Variants in PTMA observed in about 807,000 individuals in gnomAD.
The protein encoded by PTMA is prothymosin alpha.
PTMA carries 4 observed loss-of-function variants against 16.9 expected under a neutral mutation model. The observed-to-expected ratio is 0.24, with a 90% CI of 0.12 to 0.54. The LOEUF is 0.54. Among genes scored for constraint, PTMA ranks in the 20% least tolerant of loss-of-function variants. The pLI, the probability that PTMA is intolerant of heterozygous loss-of-function variation, is 0.95. For synonymous variants in PTMA, 58 were observed against 47.9 expected, an observed-to-expected ratio of 1.21 and a Z score of -0.87; for missense variants, 120 against 137.7, an observed-to-expected ratio of 0.87 and a Z score of 0.64.
rs547581005 is a variant in PTMA, at chr2:231,708,596, T to C, written c.-111T>C. 2.6e-5 allele frequency: 37 copies of C among 1,398,894 alleles called. No individual in the cohort carries two copies. Among genetic ancestry groups the C allele is most frequent in the East Asian group, 9.2e-5 (4 of 43,652 alleles). The allele number at this position is 1,398,894 out of a possible 1,614,324, so 86.7% of individuals were successfully genotyped here. On this transcript the variant is annotated 5_prime_UTR_variant, in exon 1 of 5. Transcript: ENST00000409115. ...CGCCTCCTTGCTCGCCGCAGCCGCC[T>C]CCGCCGCGCGCCTCCTCCGCCGCCG... is the stretch of plus-strand genomic sequence containing the variant.
chr2:231,712,421 C>G, intron 3 of PTMA, 22 bp from the exon 4 acceptor site: 1 of 1,611,176 alleles, frequency 6.2e-7, no homozygotes, highest in Non-Finnish European at 8.5e-7. Context: ...GTGTGGTTTA[C>G]CTGGCCTTTG....
At chr2:231,709,697 C>T (rs1307052788) in intron 1 of PTMA, 3 of 152,924 alleles carry the variant, frequency 2.0e-5, no homozygotes, top group Non-Finnish European at 4.4e-5. Context: ...GCTGGTGCGG[C>T]TCCGCTCCTG....
In PTMA at chr2:231,711,993, C is replaced by T. The variant is rs377230207; in HGVS notation, c.211+10C>T. 3.6e-4 allele frequency: 556 copies of T among 1,558,484 alleles called. 1 individual carries two copies. The highest frequency in any genetic ancestry group is 1.7e-3 in the Middle Eastern group (10 of 6,030). On this transcript the variant is annotated intron_variant, in intron 3 of 4. Transcript: ENST00000409115. Reference sequence around the variant, plus strand: ...GAAGAAGAAGGTGATGGTGAGTAGCCTTGTCTATCTTCCCCTTTTCAGGTA... The same window carrying T: ...GAAGAAGAAGGTGATGGTGAGTAGCTTTGTCTATCTTCCCCTTTTCAGGTA...
chr2:231,709,358 C>T (rs868181365), intron 1 of PTMA, among the ~76,000 whole-genome samples: 1 of 152,220 alleles, frequency 6.6e-6, no homozygotes, highest in Non-Finnish European at 1.5e-5. Context: ...ACGGGCTTAT[C>T]CGCTTTGGGC....
At position 231,711,352 on chromosome 2, in the gene PTMA, T is replaced by C; in HGVS notation, c.50T>C (p.Leu17Ser). ...GTTCCTTCTTCCCTTTTGAAGGACT[T>C]AAAGGAGAAGAAGGAAGTTGTGGAA... ...DTSSEITTKD[L>S]KEKKEVVEEA... Residue 17 changes from leucine to serine, a missense_variant, in exon 2 of 5, where the codon TTA becomes TCA. By Grantham distance (145) the Leu-to-Ser change is moderately radical. Transcript: ENST00000409115. 1 of 1,613,872 alleles carries C rather than the reference T, an allele frequency of 6.2e-7. No individual in the cohort carries two copies. The highest frequency in any genetic ancestry group is 8.5e-7 in the Non-Finnish European group (1 of 1,179,734).
intron 3 of PTMA, 88 bp from the exon 4 acceptor site, chr2:231,712,355 C>G (rs2048529460): frequency 1.5e-6 from 2 of 1,365,612 alleles, no homozygotes; most frequent in Admixed American, 3.5e-5. Flanking sequence ...GGGCAGGGAC[C>G]TTGCAGTCCA....
intron 1 of PTMA, among the ~76,000 whole-genome samples, chr2:231,709,494 A>G (rs1377079677): frequency 6.6e-6 from 1 of 152,132 alleles, no homozygotes; most frequent in Non-Finnish European, 1.5e-5. Flanking sequence ...CGCAGGGAGG[A>G]AAGAGAAAGT....
intron 3 of PTMA, 82 bp from the exon 4 acceptor site, chr2:231,712,361 G>A (rs1187566869): frequency 1.4e-5 from 20 of 1,434,822 alleles, no homozygotes; most frequent in Non-Finnish European, 1.7e-5. Flanking sequence ...GGACCTTGCA[G>A]TCCACTACAT....
intron 4 of PTMA, 55 bp downstream of exon 4, chr2:231,712,571 C>G: frequency 1.3e-6 from 2 of 1,573,162 alleles, no homozygotes; most frequent in Middle Eastern, 1.7e-4. Context: ...CCCCACCTGC[C>G]TTTAGCTGAG....
In PTMA at chr2:231,713,100, A is replaced by G. The variant is rs2048540165; in HGVS notation, c.*249A>G. 1 of 515,332 alleles carries G rather than the reference A, an allele frequency of 1.9e-6. No homozygotes were observed. The highest frequency in any genetic ancestry group is 3.6e-6 in the Non-Finnish European group (1 of 280,296). 31.9% of individuals were successfully genotyped at this position (515,332 alleles called of 1,614,324 possible). ...CTGCTTTTTTTCTTAAAAGTACTTT[A>G]AAAAGGAAATTTGTTTGTATTTTTT... On this transcript the variant is annotated 3_prime_UTR_variant, in exon 5 of 5. Coordinates refer to ENST00000409115, the MANE Select transcript of PTMA (RefSeq NM_002823.5).
chr2:231,708,768 C>T lies in PTMA; in HGVS notation c.45+17C>T. 6.2e-7 allele frequency: 1 copy of T among 1,600,286 alleles called. No individual in the cohort carries two copies. Among genetic ancestry groups the T allele is most frequent in the Non-Finnish European group, 8.5e-7 (1 of 1,178,794 alleles). On this transcript the variant is annotated intron_variant, in intron 1 of 4. Coordinates refer to ENST00000409115, the MANE Select transcript of PTMA (RefSeq NM_002823.5). ...ACCACCAAGGTGAGGCTGGACGCCGCCCGCCCCCTCGGGGTCCGCGCGCCG... is the reference window on the plus strand; with the variant it reads ...ACCACCAAGGTGAGGCTGGACGCCGTCCGCCCCCTCGGGGTCCGCGCGCCG...
chr2:231,709,579 C>T (rs1337206314), intron 1 of PTMA, among the ~76,000 whole-genome samples: 2 of 152,088 alleles, frequency 1.3e-5, no homozygotes, highest in Non-Finnish European at 2.9e-5. Flanking sequence ...CAGCTCGGGG[C>T]GACGCGGGCC....
At position 231,711,983 on chromosome 2, in the gene PTMA, G is replaced by T. The variant is rs2048524165; in HGVS notation, c.211G>T (p.Gly71Cys). ...AGAGGAGGAGGAAGAAGAAGGTGAT[G>T]GTGAGTAGCCTTGTCTATCTTCCCC... is the stretch of plus-strand genomic sequence containing the variant. ...EEEEEEEEGD[G>C]EEEDGDEDEE... is the part of the protein sequence containing the mutation. Residue 71 changes from glycine to cysteine, a missense_variant and splice_region_variant, in exon 3 of 5, where the codon GGT becomes TGT. Physicochemically the swap from Gly to Cys is radical, Grantham distance 159. Transcript: ENST00000409115. 1 of 1,566,400 alleles carries T rather than the reference G, an allele frequency of 6.4e-7. No homozygotes were observed. Among genetic ancestry groups the T allele is most frequent in the Non-Finnish European group, 8.7e-7 (1 of 1,155,166 alleles).
intron 1 of PTMA, chr2:231,710,474 G>C: frequency 1.9e-6 from 2 of 1,078,210 alleles, no homozygotes; most frequent in Non-Finnish European, 2.4e-6. Context: ...GCGGAGCCGG[G>C]GTCCGCGGAG....
At chr2:231,709,649 T>C (rs182467769) in intron 1 of PTMA, 2,008 of 152,428 alleles carry the variant, frequency 0.013, 33 homozygotes, top group Non-Finnish European at 0.018. Flanking sequence ...CCGGGCCCCG[T>C]GGCGGGTTCA....
Position 231,712,789 on chromosome 2 carries a change from T to G in PTMA, c.286-15T>G. 1 of 1,591,706 alleles carries G rather than the reference T, an allele frequency of 6.3e-7. No homozygotes were observed. Among genetic ancestry groups the G allele is most frequent in the South Asian group, 1.1e-5 (1 of 87,412 alleles). ...CTGGGGTTGGAGGGGCCTTTGACAGTCTTTCTCTGCTTAGGATGACGATGT... is the reference window on the plus strand; with the variant it reads ...CTGGGGTTGGAGGGGCCTTTGACAGGCTTTCTCTGCTTAGGATGACGATGT... On this transcript the variant is annotated splice_polypyrimidine_tract_variant and intron_variant, in intron 4 of 4. Coordinates refer to ENST00000409115, the MANE Select transcript of PTMA (RefSeq NM_002823.5).
intron 1 of PTMA, among the ~76,000 whole-genome samples, chr2:231,709,016 C>G (rs1448711967): frequency 6.6e-5 from 10 of 152,204 alleles, no homozygotes; most frequent in Non-Finnish European, 1.0e-4. Context: ...GGCCGGCTCA[C>G]GGCCCTCGAA....
intron 1 of PTMA, 22 bp from the exon 2 acceptor site, chr2:231,711,326 G>A (rs1288322367): frequency 4.4e-6 from 7 of 1,607,492 alleles, no homozygotes; most frequent in East Asian, 2.2e-5. Context: ...ACTGGTTACT[G>A]GTTCCTTCTT....
chr2:231,709,629 G>C (rs1005049385), intron 1 of PTMA, among the ~76,000 whole-genome samples: 2 of 152,038 alleles, frequency 1.3e-5, no homozygotes, highest in East Asian at 3.9e-4. Flanking sequence ...GGGTCGAACT[G>C]GGGGGGCGCC....
Sources: gnomAD v4.1 joint callset for allele counts (sites outside exome capture counted in the v4.1 genomes callset) on GRCh38, gnomAD v4.1.1 for gene constraint, MANE v1.5 for transcripts, NCBI Gene and HGNC (gene_info 2026-07-23, HGNC 2026-07-21) for gene names.